CFAP61: variants seen among roughly 807,000 people sequenced by gnomAD.
The protein encoded by CFAP61 is cilia and flagella associated protein 61, also known as cilia- and flagella-associated protein 61.
Under a neutral mutation model 135.6 loss-of-function variants are expected in CFAP61, and 107 were observed. That is an observed-to-expected ratio of 0.79 (90% CI 0.67 to 0.93). The LOEUF (loss-of-function observed/expected upper bound fraction) is 0.93, where lower values mean the gene tolerates loss of function less well. CFAP61 is among the 40% of genes least tolerant of loss of function. The pLI, the probability that CFAP61 is intolerant of heterozygous loss-of-function variation, is 0.00. For synonymous variants in CFAP61, 575 were observed against 578.5 expected (o/e 0.99, Z 0.09); for missense variants, 1,507 against 1,556.2 (o/e 0.97, Z 0.53).
At chr20:20,088,727 C>T (rs1465576000) in intron 6 of CFAP61, among the ~76,000 whole-genome samples, 2 of 152,142 alleles carry the variant, frequency 1.3e-5, no homozygotes, top group Non-Finnish European at 2.9e-5. Context: ...GAGTTGTCAT[C>T]TTCTGTGTGT....
At chr20:20,083,352 C>A (rs564655981) in intron 6 of CFAP61, among the ~76,000 whole-genome samples, 1 of 149,806 alleles carries the variant, frequency 6.7e-6, no homozygotes, top group Admixed American at 6.7e-5. Context: ...GGGGGAGGTT[C>A]GGAGGGGGTG....
chr20:20,202,948 C>T (rs1040297882), intron 17 of CFAP61, among the ~76,000 whole-genome samples: 10 of 152,080 alleles, frequency 6.6e-5, no homozygotes, highest in Non-Finnish European at 1.3e-4. Context: ...CAGATCACTC[C>T]AGGCATGAGT....
Position 20,278,985 on chromosome 20 carries a change from C to A in CFAP61, c.2796+1527C>A, listed in dbSNP as rs1050201232. 4.6e-5 allele frequency among the ~76,000 whole-genome samples: 7 copies of A among 152,144 alleles called. No homozygotes were observed. In the East Asian group the frequency reaches 1.3e-3, roughly 29 times the overall value. ...TACTGTCTATACATGTATGTCATGA[C>A]ACCTATTTAAGACAGGAAATATCAA... On this transcript the variant is annotated intron_variant, in intron 22 of 26. Coordinates refer to ENST00000245957, the MANE Select transcript of CFAP61 (RefSeq NM_015585.4).
chr20:20,138,094 C>T (rs2051078457), intron 8 of CFAP61, among the ~76,000 whole-genome samples: 1 of 152,098 alleles, frequency 6.6e-6, no homozygotes, highest in African/African-American at 2.4e-5. Context: ...TGCCAGGTGC[C>T]CTATCCAACT....
In CFAP61 at chr20:20,162,231, C is replaced by G. The variant is rs571919997; in HGVS notation, c.1027-1819C>G. Among the ~76,000 whole-genome samples, 5 of 152,268 alleles carry G rather than the reference C, an allele frequency of 3.3e-5. No individual in the cohort carries two copies. In the South Asian group the frequency reaches 6.2e-4, roughly 19 times the overall value. The stretch of plus-strand genomic sequence containing the variant: ...GATCCCTATGATTCCTCTGGGCCCA[C>G]CCGGATCATCTAGGAGCATCTCCTC... On this transcript the variant is annotated intron_variant, in intron 10 of 26. Coordinates refer to ENST00000245957, the MANE Select transcript of CFAP61 (RefSeq NM_015585.4).
At chr20:20,152,669 A>G (rs1041034949) in intron 9 of CFAP61, among the ~76,000 whole-genome samples, 2 of 151,856 alleles carry the variant, frequency 1.3e-5, no homozygotes, top group African/African-American at 4.8e-5. Flanking sequence ...ACAGGAAAAT[A>G]CCCCAATCCT....
chr20:20,082,129 G>T lies in CFAP61; in HGVS notation c.566+6514G>T, dbSNP rs139317994. Among the ~76,000 whole-genome samples, 830 of 152,316 alleles carry T rather than the reference G, an allele frequency of 5.4e-3. 10 individuals are homozygous for T. The highest frequency in any genetic ancestry group is 0.019 in the African/African-American group (788 of 41,566). Reference sequence around the variant, plus strand: ...CTTTACAGAACATCAAATGGGCGTGGCTGTGTGCCTCTTAGGTTGCCTCCT... The same window carrying T: ...CTTTACAGAACATCAAATGGGCGTGTCTGTGTGCCTCTTAGGTTGCCTCCT... On this transcript the variant is annotated intron_variant, in intron 6 of 26. Transcript: ENST00000245957.
intron 26 of CFAP61, among the ~76,000 whole-genome samples, chr20:20,356,083 A>T (rs1318388115): frequency 2.2e-5 from 2 of 92,538 alleles, no homozygotes; most frequent in African/African-American, 8.3e-5. Context: ...CTGTGAGCAG[A>T]GATGGTCACA....
chr20:20,336,601 G>C (rs1047688330), intron 25 of CFAP61, among the ~76,000 whole-genome samples: 1 of 151,318 alleles, frequency 6.6e-6, no homozygotes, highest in Non-Finnish European at 1.5e-5. Context: ...TTCCAGCCTG[G>C]GTGACAAAGC....
intron 8 of CFAP61, among the ~76,000 whole-genome samples, chr20:20,102,129 G>A (rs369617179): frequency 6.6e-6 from 1 of 152,218 alleles, no homozygotes; most frequent in African/African-American, 2.4e-5. Flanking sequence ...GGCTGGAAGT[G>A]TCAGGAAATT....
At chr20:20,187,537 A>G (rs118122814) in intron 13 of CFAP61, among the ~76,000 whole-genome samples, 2,281 of 152,324 alleles carry the variant, frequency 0.015, 35 homozygotes, top group Middle Eastern at 0.058. Flanking sequence ...AGCACACAGC[A>G]CTGTGCTGCT....
intron 15 of CFAP61, 65 bp downstream of exon 15, chr20:20,191,484 G>A: frequency 8.3e-7 from 1 of 1,208,292 alleles, no homozygotes; most frequent in Non-Finnish European, 1.2e-6. Context: ...TTAGCCCACA[G>A]TGCCCCTTTT....
intron 8 of CFAP61, among the ~76,000 whole-genome samples, chr20:20,113,187 G>A (rs2048915918): frequency 6.6e-6 from 1 of 152,130 alleles, no homozygotes; most frequent in African/African-American, 2.4e-5. Context: ...AGCTTACTAT[G>A]ATATTCAAAT....
rs1277014626 is a variant in CFAP61 at position 20,131,207 on chromosome 20, C to CTGTGTA, written c.860-11648_860-11643dup. On this transcript the variant is annotated intron_variant, in intron 8 of 26. Transcript: ENST00000245957. The stretch of plus-strand genomic sequence containing the variant: ...GATATTGCTGGTAATAACCTGGGTG[C>CTGTGTA]TGTGTATTTGTTTTTGTTTTTTTGT... Among the ~76,000 whole-genome samples, 10 of 151,680 alleles carry CTGTGTA rather than the reference C, an allele frequency of 6.6e-5. No homozygotes were observed. In the South Asian group the frequency reaches 2.1e-3, roughly 31 times the overall value.
At chr20:20,337,307 TGG>T (rs1223800161) in intron 25 of CFAP61, among the ~76,000 whole-genome samples, 1 of 112,344 alleles carries the variant, frequency 8.9e-6, no homozygotes, top group Non-Finnish European at 1.9e-5. Flanking sequence ...GATGGATGGA[TGG>T]ATGGATGGAT....
intron 17 of CFAP61, among the ~76,000 whole-genome samples, chr20:20,220,475 C>T (rs540206202): frequency 1.3e-3 from 191 of 152,202 alleles, no homozygotes; most frequent in African/African-American, 4.3e-3. Context: ...GATAGCCAGC[C>T]GGTCAGAAGT....
chr20:20,139,105 A>C (rs2051161354), intron 8 of CFAP61, among the ~76,000 whole-genome samples: 1 of 152,240 alleles, frequency 6.6e-6, no homozygotes, highest in Non-Finnish European at 1.5e-5. Flanking sequence ...AAATGTAAAA[A>C]GCACAAAATT....
At chr20:20,206,280 C>T (rs1430375094) in intron 17 of CFAP61, among the ~76,000 whole-genome samples, 2 of 152,190 alleles carry the variant, frequency 1.3e-5, no homozygotes, top group African/African-American at 2.4e-5. Flanking sequence ...CATACATATA[C>T]ACCATACAAT....
chr20:20,060,897 C>G (rs2044750210), intron 2 of CFAP61, among the ~76,000 whole-genome samples: 1 of 152,236 alleles, frequency 6.6e-6, no homozygotes, highest in South Asian at 2.1e-4. Flanking sequence ...CAACTGCCAC[C>G]AGCTGCCAAC....
Sources: gnomAD v4.1 joint callset for allele counts (sites outside exome capture counted in the v4.1 genomes callset) on GRCh38, gnomAD v4.1.1 for gene constraint, MANE v1.5 for transcripts, NCBI Gene and HGNC (gene_info 2026-07-23, HGNC 2026-07-21) for gene names.